Variants in PPP2R3B observed in about 807,000 individuals in gnomAD.
PPP2R3B encodes the protein serine/threonine-protein phosphatase 2A regulatory subunit B'' subunit beta.
A neutral mutation model predicts 72.9 loss-of-function variants in PPP2R3B; 68 were observed. The observed-to-expected ratio is 0.93, with a 90% CI of 0.77 to 1.14. PPP2R3B has a LOEUF of 1.14. PPP2R3B is among the 50% of genes most tolerant of loss of function. The pLI, the probability that PPP2R3B is intolerant of heterozygous loss-of-function variation, is 0.00. For missense variants in PPP2R3B, 1,018 were observed against 842.0 expected, an observed-to-expected ratio of 1.21 and a Z score of -2.59; for synonymous variants, 466 against 375.8, an observed-to-expected ratio of 1.24 and a Z score of -2.78.
intron 1 of PPP2R3B, among the ~76,000 whole-genome samples, chrX:384,282 C>CTCTCTCTATA (rs1323012218): frequency 1.4e-5 from 2 of 140,054 alleles, no homozygotes; most frequent in Non-Finnish European, 3.0e-5. Flanking sequence ...CTCTCTCTCT[C>CTCTCTCTATA]TATATATATA....
Position 338,778 on chromosome X carries a change from C to A in PPP2R3B, c.1470G>T (p.Arg490Ser). The change falls in exon 11 of 13, where the codon AGG becomes AGT. Residue 490 changes from arginine to serine, a missense_variant and splice_region_variant. Transcript: ENST00000390665. Reference protein sequence around the residue: ...HEQKEQISLLRDGDSGGPELS... With the variant: ...HEQKEQISLLSDGDSGGPELS... ...CGGCCCGCGTGCCCGCCGCACTCAC[C>A]CTGAGCAGGGAGATCTGCTCTTTCT... 1 of 1,612,320 alleles carries A rather than the reference C, an allele frequency of 6.2e-7. No individual in the cohort carries two copies. The highest frequency in any genetic ancestry group is 8.5e-7 in the Non-Finnish European group (1 of 1,179,600).
At chrX:354,132 CT>C (rs112350397) in intron 2 of PPP2R3B, among the ~76,000 whole-genome samples, 3,681 of 127,656 alleles carry the variant, frequency 0.029, 90 homozygotes, top group African/African-American at 0.1. Flanking sequence ...CACCCAAAGA[CT>C]GGGGGCTCAC....
At position 345,616 on chromosome X, in the gene PPP2R3B, C is replaced by G. The variant is rs200132435; in HGVS notation, c.936G>C (p.Ser312=). Residue 312 remains serine, a synonymous_variant, in exon 7 of 13, where the codon TCG becomes TCC. Coordinates refer to ENST00000390665, the MANE Select transcript of PPP2R3B (RefSeq NM_013239.5). ...ADINQLTEFF[S]YEHFYVIYCK... The stretch of plus-strand genomic sequence containing the variant: ...AGTAGATGACGTAGAAATGCTCGTA[C>G]GAGAAGAATTCGGTCAGCTGGTTGA... 1.9e-6 allele frequency: 3 copies of G among 1,613,202 alleles called. No individual in the cohort carries two copies. The highest frequency in any genetic ancestry group is 2.2e-5 in the South Asian group (2 of 91,058).
chrX:361,331 A>T lies in PPP2R3B; in HGVS notation c.510+74T>A, dbSNP rs3813595. ...CACGCTCGTGTGACACGCACCCACC[A>T]CGGCCGCTCCGCCTCACCCTCACAT... On this transcript the variant is annotated intron_variant, in intron 2 of 12. Coordinates refer to ENST00000390665, the MANE Select transcript of PPP2R3B (RefSeq NM_013239.5). 921,330 of 1,550,770 alleles carry T rather than the reference A, an allele frequency of 0.59. 275,178 individuals are homozygous for T. The highest frequency in any genetic ancestry group is 0.68 in the African/African-American group (50,475 of 73,714).
intron 2 of PPP2R3B, among the ~76,000 whole-genome samples, chrX:355,248 T>C (rs979515824): frequency 7.2e-5 from 11 of 152,146 alleles, no homozygotes; most frequent in African/African-American, 2.7e-4. Context: ...AGTAAAAAAA[T>C]ACCACGTACA....
chrX:335,957 G>C (rs753246481), intron 12 of PPP2R3B: 39 of 152,248 alleles, frequency 2.6e-4, no homozygotes, highest in African/African-American at 9.4e-4. Context: ...CTCGAGCTCA[G>C]GCATCCAAGA....
At chrX:359,096 G>T (rs1477146884) in intron 2 of PPP2R3B, among the ~76,000 whole-genome samples, 1 of 152,196 alleles carries the variant, frequency 6.6e-6, no homozygotes, top group Non-Finnish European at 1.5e-5. Flanking sequence ...CGGACGCAGC[G>T]CGTGAGCTGC....
intron 1 of PPP2R3B, among the ~76,000 whole-genome samples, chrX:378,478 A>T (rs1310702817): frequency 1.3e-5 from 2 of 152,200 alleles, no homozygotes; most frequent in Admixed American, 1.3e-4. Flanking sequence ...AGTTTTTCTG[A>T]ACATCCAAAG....
intron 12 of PPP2R3B, chrX:338,020 T>C (rs2070937137): frequency 6.4e-6 from 1 of 157,446 alleles, no homozygotes; most frequent in African/African-American, 2.4e-5. Flanking sequence ...GCTGTAAAAA[T>C]AACCAGTCAG....
At chrX:363,220 G>T (rs1251187222) in intron 1 of PPP2R3B, among the ~76,000 whole-genome samples, 8 of 110,314 alleles carry the variant, frequency 7.3e-5, no homozygotes, top group Admixed American at 4.7e-4. Context: ...GCATCTCCCC[G>T]AGCCCGCGAT....
intron 1 of PPP2R3B, among the ~76,000 whole-genome samples, chrX:362,882 G>A (rs940057145): frequency 4.8e-5 from 7 of 146,956 alleles, no homozygotes; most frequent in African/African-American, 1.5e-4. Context: ...TATCCTCACC[G>A]CAGGTCACAA....
intron 8 of PPP2R3B, 111 bp from the exon 9 acceptor site, chrX:341,507 T>TCCC: frequency 9.7e-7 from 1 of 1,033,968 alleles, no homozygotes; most frequent in Non-Finnish European, 1.5e-6. Flanking sequence ...GGCCCGGCCC[T>TCCC]CCTCCTGCCC....
intron 1 of PPP2R3B, among the ~76,000 whole-genome samples, chrX:363,206 C>G (rs1444153017): frequency 6.6e-6 from 1 of 152,026 alleles, no homozygotes; most frequent in Non-Finnish European, 1.5e-5. Context: ...GGCAGGAGGT[C>G]CCTGCATCTC....
In PPP2R3B at chrX:338,650, C is replaced by T. The variant is rs756633082; in HGVS notation, c.1531G>A (p.Asp511Asn). 3.0e-5 allele frequency: 48 copies of T among 1,611,104 alleles called. No individual in the cohort carries two copies. The highest frequency in any genetic ancestry group is 1.5e-4 in the South Asian group (14 of 90,988). ...DWEKYAAEEY[D>N]ILVAEETAGE... ...GCAGTCTCCTCGGCCACCAGGATGT[C>T]GTACTCCTCGGCCGCGTACTTCTCC... is the stretch of plus-strand genomic sequence containing the variant. The change falls in exon 12 of 13, where the codon GAC becomes AAC. Residue 511 changes from aspartate (D) to asparagine (N), a missense_variant. Transcript: ENST00000390665.
intron 2 of PPP2R3B, among the ~76,000 whole-genome samples, chrX:357,281 G>A (rs1017507444): frequency 3.3e-5 from 5 of 152,174 alleles, no homozygotes; most frequent in African/African-American, 1.2e-4. Context: ...ATACCCAGGT[G>A]TGTGCTTTAC....
intron 2 of PPP2R3B, among the ~76,000 whole-genome samples, chrX:356,632 A>G (rs1018486696): frequency 2.0e-5 from 3 of 152,242 alleles, no homozygotes; most frequent in African/African-American, 2.4e-5. Context: ...TGCGTAAATC[A>G]GTGCACAGAC....
chrX:379,557 C>T (rs182416028), intron 1 of PPP2R3B, among the ~76,000 whole-genome samples: 1 of 152,286 alleles, frequency 6.6e-6, no homozygotes, highest in East Asian at 1.9e-4. Context: ...TGCTGGCACC[C>T]GGTCTGATAA....
rs751653815 is a variant in PPP2R3B, at chrX:345,420, G to C, written c.1036+96C>G. ...GAGGCAGCTGCAGACACAGAGCTGG[G>C]AGTGCGGAAGGAGAGGCAGCTGCAG... On this transcript the variant is annotated intron_variant, in intron 7 of 12. Coordinates refer to ENST00000390665, the MANE Select transcript of PPP2R3B (RefSeq NM_013239.5). 16 of 1,500,484 alleles carry C rather than the reference G, an allele frequency of 1.1e-5. No individual in the cohort carries two copies. In the East Asian group the frequency reaches 3.5e-4, roughly 33 times the overall value. The allele number at this position is 1,500,484 out of a possible 1,614,324, so 92.9% of individuals were successfully genotyped here.
Position 364,429 on chromosome X carries a change from G to A in PPP2R3B, c.325-2839C>T, listed in dbSNP as rs779065355. ...GCCTGCAATCCTGGCGCTTTGAAAG[G>A]AGGCTGAGGGGGACAGACTGTCTGA... On this transcript the variant is annotated intron_variant, in intron 1 of 12. Coordinates refer to ENST00000390665, the MANE Select transcript of PPP2R3B (RefSeq NM_013239.5). Among the ~76,000 whole-genome samples the A allele has an allele frequency of 2.0e-5, 3 of 150,568 alleles. No individual in the cohort carries two copies. The South Asian group carries it at 6.3e-4, about 32-fold the overall frequency.
Sources: allele counts gnomAD v4.1 joint callset (sites outside exome capture counted in the v4.1 genomes callset), GRCh38; gene constraint gnomAD v4.1.1; transcripts MANE v1.5; gene names NCBI Gene and HGNC (gene_info 2026-07-23, HGNC 2026-07-21).